TMCC1: variants seen among roughly 807,000 people sequenced by gnomAD.
The protein encoded by TMCC1 is transmembrane and coiled-coil domain family 1.
Under a neutral mutation model 52.4 loss-of-function variants are expected in TMCC1, and 15 were observed. The ratio of observed to expected loss-of-function variants is 0.29; its 90% confidence interval spans 0.19 to 0.44. The LOEUF is 0.44. Ranked by LOEUF, TMCC1 falls within the 20% of genes least tolerant of loss-of-function variation. The pLI is 1.00. For synonymous variants in TMCC1, 279 were observed against 301.9 expected, an observed-to-expected ratio of 0.92 and a Z score of 0.79; for missense variants, 503 against 806.0, an observed-to-expected ratio of 0.62 and a Z score of 4.55.
intron 4 of TMCC1, among the ~76,000 whole-genome samples, chr3:129,693,713 A>C (rs2047191427): frequency 6.6e-6 from 1 of 151,838 alleles, no homozygotes; most frequent in Non-Finnish European, 1.5e-5. Flanking sequence ...TTCTCCTTAA[A>C]CTACTTCTAA....
chr3:129,885,691 G>T (rs1252663561), intron 1 of TMCC1, among the ~76,000 whole-genome samples: 1 of 152,174 alleles, frequency 6.6e-6, no homozygotes, highest in Non-Finnish European at 1.5e-5. Flanking sequence ...ATGCCAAATA[G>T]ATTACAGAAT....
chr3:129,812,368 GA>G (rs2057867683), intron 4 of TMCC1, among the ~76,000 whole-genome samples: 3 of 127,242 alleles, frequency 2.4e-5, no homozygotes, highest in African/African-American at 8.7e-5. Flanking sequence ...AAGCCAATGA[GA>G]AAAAAACAGG....
rs150872346 is a variant in TMCC1, at chr3:129,833,656, G to A, written c.-183-830C>T. Among the ~76,000 whole-genome samples the A allele has an allele frequency of 8.8e-3, 1,334 of 152,218 alleles. 21 individuals are homozygous for A. Among genetic ancestry groups the A allele is most frequent in the African/African-American group, 0.028 (1,173 of 41,522 alleles). ...ACCTGTAATCCCAGCACTTTGGGAGGCCAAGGCAAGAAGGCTCATTTGAGG... is the reference window on the plus strand; with the variant it reads ...ACCTGTAATCCCAGCACTTTGGGAGACCAAGGCAAGAAGGCTCATTTGAGG... On this transcript the variant is annotated intron_variant, in intron 2 of 6. Coordinates refer to ENST00000393238, the MANE Select transcript of TMCC1 (RefSeq NM_001017395.5).
intron 4 of TMCC1, among the ~76,000 whole-genome samples, chr3:129,771,774 CAAAAAA>C (rs755523077): frequency 5.2e-4 from 39 of 75,686 alleles, no homozygotes; most frequent in African/African-American, 9.0e-4. Flanking sequence ...GACACTGTCT[CAAAAAA>C]AAAAAAAAAA....
intron 4 of TMCC1, among the ~76,000 whole-genome samples, chr3:129,716,913 C>A (rs936999375): frequency 1.3e-5 from 2 of 152,180 alleles, no homozygotes; most frequent in Non-Finnish European, 2.9e-5. Flanking sequence ...TCGGACTCTA[C>A]AAGTGGTGAG....
chr3:129,692,597 T>C (rs1316995565), intron 4 of TMCC1, among the ~76,000 whole-genome samples: 1 of 152,210 alleles, frequency 6.6e-6, no homozygotes, highest in Admixed American at 6.5e-5. Flanking sequence ...CTATGTGTAT[T>C]TGTGAGCTTT....
At chr3:129,781,701 A>G (rs1460691188) in intron 4 of TMCC1, among the ~76,000 whole-genome samples, 2 of 152,130 alleles carry the variant, frequency 1.3e-5, no homozygotes, top group Non-Finnish European at 2.9e-5. Context: ...GGCCCTAAAT[A>G]CCATGTAAGA....
intron 3 of TMCC1, among the ~76,000 whole-genome samples, chr3:129,829,643 T>A (rs1039746470): frequency 3.9e-5 from 6 of 151,904 alleles, no homozygotes; most frequent in Non-Finnish European, 7.4e-5. Context: ...AATTTTTGTT[T>A]AAAGGACTTT....
chr3:129,740,160 G>T (rs926531594), intron 4 of TMCC1, among the ~76,000 whole-genome samples: 7 of 152,196 alleles, frequency 4.6e-5, no homozygotes, highest in Non-Finnish European at 1.0e-4. Context: ...GCCTTGCATG[G>T]AGCCTGGGCC....
At chr3:129,684,134 T>C (rs2089225964) in intron 4 of TMCC1, among the ~76,000 whole-genome samples, 1 of 152,232 alleles carries the variant, frequency 6.6e-6, no homozygotes, top group African/African-American at 2.4e-5. Context: ...GTAAATGGTA[T>C]GGACTTCAGA....
chr3:129,870,466 G>A (rs1419609271), intron 2 of TMCC1, among the ~76,000 whole-genome samples: 1 of 151,924 alleles, frequency 6.6e-6, no homozygotes, highest in South Asian at 2.1e-4. Context: ...GCTGGACAGC[G>A]TGGAAGCTCA....
intron 4 of TMCC1, among the ~76,000 whole-genome samples, chr3:129,788,221 G>T (rs1000799616): frequency 6.6e-6 from 1 of 152,146 alleles, no homozygotes; most frequent in African/African-American, 2.4e-5. Flanking sequence ...CCAAGGACAT[G>T]CTATCTTCTC....
At chr3:129,786,915 C>G (rs545965761) in intron 4 of TMCC1, among the ~76,000 whole-genome samples, 1 of 152,260 alleles carries the variant, frequency 6.6e-6, no homozygotes, top group African/African-American at 2.4e-5. Context: ...AGTTTTCTTG[C>G]TATTCTCAAA....
intron 4 of TMCC1, among the ~76,000 whole-genome samples, chr3:129,792,195 T>C (rs1042298748): frequency 6.7e-6 from 1 of 150,188 alleles, no homozygotes; most frequent in Non-Finnish European, 1.5e-5. Flanking sequence ...TATACATATA[T>C]ATATATACAC....
At chr3:129,843,765 G>A (rs1038785731) in intron 2 of TMCC1, among the ~76,000 whole-genome samples, 3 of 152,112 alleles carry the variant, frequency 2.0e-5, no homozygotes, top group Admixed American at 6.5e-5. Context: ...TCCAGACCCA[G>A]ATGGTTTTAA....
intron 1 of TMCC1, among the ~76,000 whole-genome samples, chr3:129,883,533 G>T (rs1673933516): frequency 1.3e-5 from 2 of 152,146 alleles, no homozygotes; most frequent in African/African-American, 4.8e-5. Flanking sequence ...AGGATCACTT[G>T]AACCTAGGAG....
At chr3:129,695,976 AATAT>A (rs2047391564) in intron 4 of TMCC1, among the ~76,000 whole-genome samples, 1 of 152,174 alleles carries the variant, frequency 6.6e-6, no homozygotes, top group Non-Finnish European at 1.5e-5. Flanking sequence ...AGAAAATCAA[AATAT>A]TTTACCCCAA....
intron 2 of TMCC1, among the ~76,000 whole-genome samples, chr3:129,860,476 A>G (rs2060338121): frequency 6.6e-6 from 1 of 152,222 alleles, no homozygotes; most frequent in Admixed American, 6.5e-5. Context: ...AAATATGTGT[A>G]TATGTTTGCA....
At chr3:129,772,936 G>T (rs187855091) in intron 4 of TMCC1, among the ~76,000 whole-genome samples, 1 of 152,132 alleles carries the variant, frequency 6.6e-6, no homozygotes, top group Admixed American at 6.5e-5. Flanking sequence ...AGAAACTGTT[G>T]GTAGGAATGC....
Sources: gnomAD v4.1 joint callset for allele counts (sites outside exome capture counted in the v4.1 genomes callset) on GRCh38, gnomAD v4.1.1 for gene constraint, MANE v1.5 for transcripts, NCBI Gene and HGNC (gene_info 2026-07-23, HGNC 2026-07-21) for gene names.